Variants in DST observed in about 807,000 individuals in gnomAD.
DST encodes the protein dystonin, also known as bullous pemphigoid antigen.
In DST, 253 loss-of-function variants were observed where a neutral mutation model predicts 875.2. That is an observed-to-expected ratio of 0.29 (90% CI 0.26 to 0.32). The LOEUF is 0.32. DST is among the 10% of genes least tolerant of loss of function. The pLI, the probability that DST is intolerant of heterozygous loss-of-function variation, is 1.00. For synonymous variants in DST, 3,124 were observed against 3,197.1 expected, an observed-to-expected ratio of 0.98 and a Z score of 0.77; for missense variants, 8,287 against 9,111.6, an observed-to-expected ratio of 0.91 and a Z score of 3.68.
chr6:56,849,415 A>T (rs1763858050), intron 4 of DST, among the ~76,000 whole-genome samples: 1 of 152,158 alleles, frequency 6.6e-6, no homozygotes, highest in Non-Finnish European at 1.5e-5. Context: ...GATTACAGGC[A>T]TGAGCCACGA....
intron 61 of DST, among the ~76,000 whole-genome samples, chr6:56,538,289 GATA>G (rs1178795052): frequency 3.3e-5 from 5 of 152,082 alleles, no homozygotes; most frequent in Admixed American, 1.3e-4. Context: ...CTCTTTCATA[GATA>G]ATATGTTTTT....
At chr6:56,803,114 A>G (rs2099749179) in intron 4 of DST, among the ~76,000 whole-genome samples, 1 of 152,208 alleles carries the variant, frequency 6.6e-6, no homozygotes, top group Non-Finnish European at 1.5e-5. Flanking sequence ...CACAAAAATC[A>G]GGGAAGTGGA....
chr6:56,604,763 G>A lies in DST; in HGVS notation c.9865C>T (p.Leu3289=), dbSNP rs903039137. Residue 3289 remains leucine, a synonymous_variant, in exon 40 of 104, where the codon CTG becomes TTG. Transcript: ENST00000680361. ...HVEDVGKNDF[L]QSERCANGLG... is the part of the protein sequence containing the mutation. ...CCATTTGCACACCGCTCCGACTGCA[G>A]AAAATCATTTTTCCCAACATCTTCT... The A allele has an allele frequency of 1.2e-6, 2 of 1,612,664 alleles. No homozygotes were observed. The highest frequency in any genetic ancestry group is 1.7e-6 in the Non-Finnish European group (2 of 1,179,184).
intron 34 of DST, among the ~76,000 whole-genome samples, chr6:56,625,985 A>C (rs899742010): frequency 2.0e-5 from 3 of 151,300 alleles, no homozygotes; most frequent in Admixed American, 6.6e-5. Context: ...AAAAAAAAAA[A>C]AAAAACCAAA....
At chr6:56,852,051 G>C in intron 3 of DST, 1 of 1,417,518 alleles carries the variant, frequency 7.1e-7, no homozygotes, top group African/African-American at 1.4e-5. Context: ...CGAAAACAAA[G>C]CACAAATGCA....
At chr6:56,599,435 C>T (rs1034730163) in intron 45 of DST, among the ~76,000 whole-genome samples, 1 of 152,058 alleles carries the variant, frequency 6.6e-6, no homozygotes, top group Non-Finnish European at 1.5e-5. Flanking sequence ...GTGACCTTAA[C>T]TGTGCTAGTG....
chr6:56,614,689 T>C (rs1460768969), intron 36 of DST: 4 of 1,194,860 alleles, frequency 3.3e-6, no homozygotes, highest in Non-Finnish European at 4.1e-6. Flanking sequence ...AAGAAAGCTA[T>C]GGCATACATT....
chr6:56,933,406 T>A (rs141421085), intron 2 of DST, among the ~76,000 whole-genome samples: 1 of 152,336 alleles, frequency 6.6e-6, no homozygotes, highest in East Asian at 1.9e-4. Context: ...ATCAGGTCTT[T>A]CAGCATAAGC....
intron 49 of DST, among the ~76,000 whole-genome samples, chr6:56,588,358 C>T (rs1307386532): frequency 1.3e-5 from 2 of 152,190 alleles, no homozygotes; most frequent in African/African-American, 4.8e-5. Flanking sequence ...CCTACCCCCG[C>T]CATCCTGAAC....
chr6:56,734,435 C>A (rs912633048), intron 5 of DST, among the ~76,000 whole-genome samples: 5 of 152,164 alleles, frequency 3.3e-5, no homozygotes, highest in African/African-American at 1.2e-4. Flanking sequence ...GAATACATAA[C>A]CACATTTAAA....
At chr6:56,570,056 GAATA>G in intron 53 of DST, 44 bp from the exon 54 acceptor site, 6 of 1,338,988 alleles carry the variant, frequency 4.5e-6, no homozygotes, top group Non-Finnish European at 5.1e-6. Flanking sequence ...ACAGAAAGAA[GAATA>G]AATAAATTAT....
At chr6:56,626,216 G>A (rs944737276) in intron 34 of DST, among the ~76,000 whole-genome samples, 2 of 152,068 alleles carry the variant, frequency 1.3e-5, no homozygotes, top group Non-Finnish European at 2.9e-5. Context: ...AGTGTACAGT[G>A]TTTATAAATT....
At chr6:56,904,935 A>G (rs2127701356) in intron 2 of DST, among the ~76,000 whole-genome samples, 1 of 152,230 alleles carries the variant, frequency 6.6e-6, no homozygotes, top group South Asian at 2.1e-4. Context: ...GATTACAAGC[A>G]TGTGCCACCA....
At chr6:56,657,169 C>A (rs2099013051) in intron 10 of DST, among the ~76,000 whole-genome samples, 1 of 152,024 alleles carries the variant, frequency 6.6e-6, no homozygotes, top group Admixed American at 6.6e-5. Context: ...GAAAAAACAT[C>A]CACAATGTCA....
chr6:56,797,744 G>A (rs1460669789), intron 4 of DST, among the ~76,000 whole-genome samples: 9 of 151,738 alleles, frequency 5.9e-5, no homozygotes, highest in South Asian at 2.1e-4. Context: ...ACTTGAACCC[G>A]GGAGCGGAGG....
At chr6:56,542,762 C>T (rs1399243144) in intron 61 of DST, 1 of 152,306 alleles carries the variant, frequency 6.6e-6, no homozygotes, top group Non-Finnish European at 1.5e-5. Context: ...GGCATGCTCT[C>T]CAGCCAGGGC....
chr6:56,634,092 T>G lies in DST; in HGVS notation c.3621+40A>C, dbSNP rs754268049. On this transcript the variant is annotated intron_variant, in intron 27 of 103. Coordinates refer to ENST00000680361, the MANE Select transcript of DST (RefSeq NM_001374736.1). ...CGACACATATGAAAAGGCATGCACA[T>G]TTTTGGACATATCGAGTTGACATAC... The G allele has an allele frequency of 4.3e-6, 7 of 1,610,448 alleles. No individual in the cohort carries two copies. In the South Asian group the frequency reaches 5.5e-5, roughly 13 times the overall value.
At chr6:56,486,208 A>C (rs1008561179) in intron 87 of DST, among the ~76,000 whole-genome samples, 1 of 151,776 alleles carries the variant, frequency 6.6e-6, no homozygotes. Flanking sequence ...CTAAAAATAC[A>C]AAAAATTAGC....
At chr6:56,578,081 C>T (rs1011099774) in intron 50 of DST, among the ~76,000 whole-genome samples, 1 of 152,112 alleles carries the variant, frequency 6.6e-6, no homozygotes. Context: ...TACACCAATT[C>T]TTTAGTGATA....
Sources: gnomAD v4.1 joint callset for allele counts (sites outside exome capture counted in the v4.1 genomes callset) on GRCh38, gnomAD v4.1.1 for gene constraint, MANE v1.5 for transcripts, NCBI Gene and HGNC (gene_info 2026-07-23, HGNC 2026-07-21) for gene names.